The following ZNF559 variants were observed in gnomAD, a reference collection of about 807,000 sequenced individuals.
ZNF559 encodes putative protein product of Nbla00121.
Under a neutral mutation model 14.2 loss-of-function variants are expected in ZNF559, and 17 were observed. The observed-to-expected ratio is 1.20, with a 90% CI of 0.82 to 1.80. The LOEUF (loss-of-function observed/expected upper bound fraction) is 1.80. Ranked by LOEUF, ZNF559 falls within the 40% of genes most tolerant of loss-of-function variation. The probability of loss-of-function intolerance (pLI) is 0.00; values close to 1 mark genes in which losing one functional copy is unlikely to be tolerated. For missense variants in ZNF559, 740 were observed against 629.7 expected (o/e 1.18, Z -1.88); for synonymous variants, 244 against 212.4 (o/e 1.15, Z -1.29).
Position 9,342,620 on chromosome 19 carries a change from T to C in ZNF559, c.1169T>C (p.Phe390Ser). ...CAATGTAAGGAATGTGGAAAAGCCT[T>C]TATTAATTCCTCTTCCTTTAAAAGT... is the stretch of plus-strand genomic sequence containing the variant. ...PYQCKECGKA[F>S]INSSSFKSHM... is the part of the protein sequence containing the mutation. Residue 390 changes from phenylalanine to serine, a missense_variant, in exon 7 of 7, where the codon TTT (phenylalanine) becomes TCT (serine). Coordinates refer to ENST00000603380, the MANE Select transcript of ZNF559 (RefSeq NM_032497.3). 1 of 1,614,034 alleles carries C rather than the reference T, an allele frequency of 6.2e-7. No homozygotes were observed. The highest frequency in any genetic ancestry group is 8.5e-7 in the Non-Finnish European group (1 of 1,179,986).
At chr19:9,334,566 A>G (rs1433684218) in intron 2 of ZNF559, among the ~76,000 whole-genome samples, 1 of 152,216 alleles carries the variant, frequency 6.6e-6, no homozygotes, top group Admixed American at 6.5e-5. Flanking sequence ...AGAAGTGAGA[A>G]TAGTTTCCAT....
At chr19:9,338,410 C>G (rs2067358668) in intron 3 of ZNF559, 84 bp from the exon 4 acceptor site, 10 of 953,140 alleles carry the variant, frequency 1.0e-5, no homozygotes, top group Non-Finnish European at 1.6e-5. Flanking sequence ...GTCCACTTAG[C>G]ATTAGTATGA....
intron 2 of ZNF559, among the ~76,000 whole-genome samples, chr19:9,325,653 G>A (rs967818727): frequency 1.3e-5 from 2 of 151,928 alleles, no homozygotes; most frequent in Non-Finnish European, 2.9e-5. Context: ...TTAGCCGGGC[G>A]TGGGCACCTG....
rs531083156 is a variant in ZNF559, at chr19:9,333,410, A to G, written c.-119-4386A>G. 1.2e-3 allele frequency among the ~76,000 whole-genome samples: 188 copies of G among 152,344 alleles called. 1 individual carries two copies. Among genetic ancestry groups the G allele is most frequent in the African/African-American group, 4.4e-3 (185 of 41,574 alleles). On this transcript the variant is annotated intron_variant, in intron 2 of 6. Transcript: ENST00000603380. ...TTTTCTTTTAATGAAGTTAAAAATA[A>G]TTCCAAAGGAAGCTAGGCGTAGTGG...
At chr19:9,324,266 C>T (rs1460763912) in intron 1 of ZNF559, 38 bp downstream of exon 1, 39 of 1,536,058 alleles carry the variant, frequency 2.5e-5, no homozygotes, top group South Asian at 2.0e-4. Flanking sequence ...GGTGGTGTCC[C>T]GGTGCAGCCA....
In ZNF559 at chr19:9,342,983, A is replaced by G. The variant is rs757174850; in HGVS notation, c.1532A>G (p.His511Arg). The G allele has an allele frequency of 1.2e-6, 2 of 1,614,122 alleles. No individual in the cohort carries two copies. The highest frequency in any genetic ancestry group is 2.2e-5 in the East Asian group (1 of 44,900). The change falls in exon 7 of 7, where the codon CAT becomes CGT. Residue 511 changes from histidine (H) to arginine (R), a missense_variant. Physicochemically the swap from His to Arg is conservative, Grantham distance 29. Coordinates refer to ENST00000603380, the MANE Select transcript of ZNF559 (RefSeq NM_032497.3). Reference sequence around the variant, plus strand: ...ACTCGGTCCACATATCTTATTCGACATCTAAGAAGTCATAGTGTGGAGAAA... The same window carrying G: ...ACTCGGTCCACATATCTTATTCGACGTCTAAGAAGTCATAGTGTGGAGAAA... ...AFTRSTYLIR[H>R]LRSHSVEKPY...
chr19:9,337,898 A>G (rs2067327447), intron 3 of ZNF559, 40 bp downstream of exon 3: 3 of 1,533,158 alleles, frequency 2.0e-6, no homozygotes, highest in Admixed American at 2.0e-5. Flanking sequence ...ATCAAGAGGA[A>G]TTGAGATTGA....
rs2067627415 is a variant in ZNF559, at chr19:9,342,467, G to A, written c.1016G>A (p.Gly339Asp). ...GGGAAAGCCTTCACTGATTCATCAG[G>A]TCTTATAAAACACAGGCGAACTCAC... is the stretch of plus-strand genomic sequence containing the variant. ...KCGKAFTDSSGLIKHRRTHTG... is the reference protein window; with the variant it reads ...KCGKAFTDSSDLIKHRRTHTG... The change falls in exon 7 of 7, where the codon GGT becomes GAT. Residue 339 changes from glycine to aspartate, a missense_variant. By Grantham distance (94) the Gly-to-Asp change is moderately conservative. Coordinates refer to ENST00000603380, the MANE Select transcript of ZNF559 (RefSeq NM_032497.3). 1.2e-6 allele frequency: 2 copies of A among 1,613,700 alleles called. No individual in the cohort carries two copies. The highest frequency in any genetic ancestry group is 1.7e-6 in the Non-Finnish European group (2 of 1,179,988).
chr19:9,339,051 CA>C (rs2067396115), intron 4 of ZNF559, 141 bp from the exon 5 acceptor site: 1 of 1,108,574 alleles, frequency 9.0e-7, no homozygotes, highest in African/African-American at 1.6e-5. Flanking sequence ...TATGTACAGA[CA>C]GGGGAGAAGA....
intron 5 of ZNF559, 142 bp downstream of exon 5, chr19:9,339,461 T>C: frequency 1.0e-6 from 1 of 964,634 alleles, no homozygotes; most frequent in South Asian, 1.8e-5. Flanking sequence ...CCTTACTGCC[T>C]TGTGATTTTT....
intron 3 of ZNF559, among the ~76,000 whole-genome samples, chr19:9,338,251 A>C (rs900600387): frequency 6.6e-6 from 1 of 152,174 alleles, no homozygotes; most frequent in African/African-American, 2.4e-5. Context: ...TTTTTTGGCA[A>C]ATAAGGAAAA....
chr19:9,343,340 C>G lies in ZNF559; in HGVS notation c.*272C>G, dbSNP rs976421973. 2 of 1,207,132 alleles carry G rather than the reference C, an allele frequency of 1.7e-6. No individual in the cohort carries two copies. The highest frequency in any genetic ancestry group is 2.3e-5 in the South Asian group (1 of 44,204). 74.8% of individuals were successfully genotyped at this position (1,207,132 alleles called of 1,614,324 possible). Reference sequence around the variant, plus strand: ...GTAGGAAACCTGTCGATGCTTACATCTTACTGAGTCTGTTTGAACTCATGC... The same window carrying G: ...GTAGGAAACCTGTCGATGCTTACATGTTACTGAGTCTGTTTGAACTCATGC... On this transcript the variant is annotated 3_prime_UTR_variant, in exon 7 of 7. Transcript: ENST00000603380.
In ZNF559 at chr19:9,344,298, T is replaced by C. The variant is rs1211902357; in HGVS notation, c.*1230T>C. On this transcript the variant is annotated 3_prime_UTR_variant, in exon 7 of 7. Transcript: ENST00000603380. ...GGTTTTTTAATGAAAAACTTAGTTA[T>C]AGGGAATTGAGGAACATTTAGGGGT... 4 of 152,140 alleles carry C rather than the reference T, an allele frequency of 2.6e-5. No individual in the cohort carries two copies. The highest frequency in any genetic ancestry group is 3.4e-3 in the Middle Eastern group (1 of 294). 9.4% of individuals were successfully genotyped at this position (152,140 alleles called of 1,614,324 possible).
chr19:9,325,781 G>C (rs994902981), intron 2 of ZNF559, among the ~76,000 whole-genome samples: 2 of 42,570 alleles, frequency 4.7e-5, no homozygotes, highest in South Asian at 2.0e-3. Flanking sequence ...GCGAGACTCC[G>C]TCTCCAAAAA....
intron 2 of ZNF559, among the ~76,000 whole-genome samples, chr19:9,337,348 T>A (rs2067294927): frequency 6.6e-6 from 1 of 152,174 alleles, no homozygotes; most frequent in Admixed American, 6.5e-5. Context: ...AATATACACT[T>A]ACCAGGGAAG....
upstream of ZNF559, chr19:9,324,143 AG>A: frequency 6.5e-7 from 1 of 1,535,532 alleles, no homozygotes; most frequent in South Asian, 1.2e-5. Flanking sequence ...AGGTGGTCCT[AG>A]CCTTTGCGCG....
chr19:9,341,818 C>G lies in ZNF559; in HGVS notation c.367C>G (p.Gln123Glu). ...YFRKKTCECN[Q>E]CEKAFRKPSI... ...TAGAAAGAAAACCTGTGAGTGTAATCAATGTGAAAAAGCCTTCAGAAAACC... is the reference window on the plus strand; with the variant it reads ...TAGAAAGAAAACCTGTGAGTGTAATGAATGTGAAAAAGCCTTCAGAAAACC... The change falls in exon 7 of 7, where the codon CAA becomes GAA. Residue 123 changes from glutamine (Q) to glutamate (E), a missense_variant. Physicochemically the swap from Gln to Glu is conservative, Grantham distance 29 (BLOSUM62 2). Transcript: ENST00000603380. 6.2e-7 allele frequency: 1 copy of G among 1,611,146 alleles called. No individual in the cohort carries two copies. Among genetic ancestry groups the G allele is most frequent in the Non-Finnish European group, 8.5e-7 (1 of 1,179,290 alleles).
In ZNF559 at chr19:9,341,710, G is replaced by A; in HGVS notation, c.259G>A (p.Gly87Arg). 6.3e-7 allele frequency: 1 copy of A among 1,597,202 alleles called. No individual in the cohort carries two copies. Among genetic ancestry groups the A allele is most frequent in the Non-Finnish European group, 8.5e-7 (1 of 1,174,666 alleles). Reference sequence around the variant, plus strand: ...TCACCAACAGGAGAGAAACCATTTTGGAGAGGAACTGTTTGACTTTAACCA... The same window carrying A: ...TCACCAACAGGAGAGAAACCATTTTAGAGAGGAACTGTTTGACTTTAACCA... ...SVVEMERNHF[G>R]EELFDFNQCE... Residue 87 changes from glycine (G) to arginine (R), a missense_variant, in exon 7 of 7, where the codon GGA (glycine) becomes AGA (arginine). Coordinates refer to ENST00000603380, the MANE Select transcript of ZNF559 (RefSeq NM_032497.3).
intron 2 of ZNF559, among the ~76,000 whole-genome samples, chr19:9,329,698 C>A (rs1168750748): frequency 6.6e-6 from 1 of 152,194 alleles, no homozygotes; most frequent in African/African-American, 2.4e-5. Context: ...GAGTCTCACT[C>A]TGTTGCCCAG....
Sources: allele counts gnomAD v4.1 joint callset (sites outside exome capture counted in the v4.1 genomes callset), GRCh38; gene constraint gnomAD v4.1.1; transcripts MANE v1.5; gene names NCBI Gene and HGNC (gene_info 2026-07-23, HGNC 2026-07-21).